Variants in CYP1A1 observed in about 807,000 individuals in gnomAD.
CYP1A1 encodes the protein cytochrome P450 family 1 subfamily A member 1.
Under a neutral mutation model 33.6 loss-of-function variants are expected in CYP1A1, and 43 were observed. The observed-to-expected ratio is 1.28, with a 90% CI of 1.00 to 1.65. The LOEUF is 1.65. CYP1A1 is among the 40% of genes most tolerant of loss of function. The pLI is 0.00. For synonymous variants in CYP1A1, 280 were observed against 257.8 expected (o/e 1.09, Z -0.83); for missense variants, 637 against 653.7 (o/e 0.97, Z 0.28).
Position 74,722,542 on chromosome 15 carries a change from G to T in CYP1A1, c.556C>A (p.Pro186Thr), listed in dbSNP as rs931366695. 6.2e-7 allele frequency: 1 copy of T among 1,613,828 alleles called. No homozygotes were observed. Among genetic ancestry groups the T allele is most frequent in the Non-Finnish European group, 8.5e-7 (1 of 1,179,970 alleles). ...ACTGATACCACCACATACCTGTAGGGGTTAAAGTGCCCAGGCCCTGCCATC... is the reference window on the plus strand; with the variant it reads ...ACTGATACCACCACATACCTGTAGGTGTTAAAGTGCCCAGGCCCTGCCATC... ...ELMAGPGHFN[P>T]YRYVVVSVTN... The change falls in exon 2 of 7, where the codon CCC becomes ACC. Residue 186 changes from proline (P) to threonine (T), a missense_variant. Physicochemically the swap from Pro to Thr is conservative, Grantham distance 38. Transcript: ENST00000379727.
At position 74,720,311 on chromosome 15, in the gene CYP1A1, TC is replaced by T; in HGVS notation, c.*177del. 1.7e-6 allele frequency: 1 copy of T among 586,820 alleles called. No homozygotes were observed. The highest frequency in any genetic ancestry group is 2.8e-6 in the Non-Finnish European group (1 of 360,350). 36.4% of individuals were successfully genotyped at this position (586,820 alleles called of 1,614,324 possible). ...TCTCTGGAGGGTGTGCAGAGGCAAG[TC>T]CAGGGTAGGGGCAGGCAGGATCCCT... On this transcript the variant is annotated 3_prime_UTR_variant, in exon 7 of 7. Coordinates refer to ENST00000379727, the MANE Select transcript of CYP1A1 (RefSeq NM_001319217.2).
Position 74,722,405 on chromosome 15 carries a change from T to C in CYP1A1, c.693A>G (p.Gly231=). 6.2e-7 allele frequency: 1 copy of C among 1,614,036 alleles called. No individual in the cohort carries two copies. The highest frequency in any genetic ancestry group is 1.1e-5 in the South Asian group (1 of 91,070). The change falls in exon 2 of 7, where the codon GGA becomes GGG. Residue 231 remains glycine (G), a synonymous_variant. Transcript: ENST00000379727. ...GAATAGGGATGAAGTCAGCTGGGTT[T>C]CCAGAGCCAACCACCTCCCCGAAAT... The part of the protein sequence containing the change: ...NNNFGEVVGS[G]NPADFIPILR...
rs1318518361 is a variant in CYP1A1 at position 74,720,562 on chromosome 15, T to G, written c.1466A>C (p.Asp489Ala). The G allele has an allele frequency of 1.9e-6, 3 of 1,612,284 alleles. No homozygotes were observed. Among genetic ancestry groups the G allele is most frequent in the African/African-American group, 2.7e-5 (2 of 74,898 alleles). ...GGTTAGCCCATAGATGGGGGTCATG[T>G]CCACCTTCACGCCCAGTGGCACGCT... ...EFSVPLGVKV[D>A]MTPIYGLTMK... The change falls in exon 7 of 7, where the codon GAC becomes GCC. Residue 489 changes from aspartate to alanine, a missense_variant. Coordinates refer to ENST00000379727, the MANE Select transcript of CYP1A1 (RefSeq NM_001319217.2).
At position 74,720,758 on chromosome 15, in the gene CYP1A1, G is replaced by A; in HGVS notation, c.1270C>T (p.Pro424Ser). 2 of 1,612,080 alleles carry A rather than the reference G, an allele frequency of 1.2e-6. No individual in the cohort carries two copies. The highest frequency in any genetic ancestry group is 1.7e-6 in the Non-Finnish European group (2 of 1,178,804). ...AACCGTTCAGGTAGGAACTCAGATG[G>A]GTTGACCCATAGCTTCCTGTAACCA... ...INHDQKLWVN[P>S]SEFLPERFLT... The change falls in exon 7 of 7, where the codon CCA (proline) becomes TCA (serine). Residue 424 changes from proline to serine, a missense_variant. By Grantham distance (74) the Pro-to-Ser change is moderately conservative. Transcript: ENST00000379727.
rs776759251 is a variant in CYP1A1 at position 74,722,712 on chromosome 15, G to A, written c.386C>T (p.Pro129Leu). 6 of 1,613,274 alleles carry A rather than the reference G, an allele frequency of 3.7e-6. No individual in the cohort carries two copies. In the South Asian group the frequency reaches 6.6e-5, roughly 18 times the overall value. Reference protein sequence around the residue: ...QSMSFSPDSGPVWAARRRLAQ... With the variant: ...QSMSFSPDSGLVWAARRRLAQ... ...CAGGCGCCGGCGGGCAGCCCACACT[G>A]GTCCAGAGTCTGGGCTGAAGGACAT... is the stretch of plus-strand genomic sequence containing the variant. Residue 129 changes from proline to leucine, a missense_variant, in exon 2 of 7, where the codon CCA (proline) becomes CTA (leucine). Coordinates refer to ENST00000379727, the MANE Select transcript of CYP1A1 (RefSeq NM_001319217.2).
At chr15:74,724,837 C>T (rs1332620841) in intron 1 of CYP1A1, among the ~76,000 whole-genome samples, 4 of 151,984 alleles carry the variant, frequency 2.6e-5, no homozygotes, top group Admixed American at 6.6e-5. Context: ...ATCTGTCACC[C>T]TGATTGTCTC....
At chr15:74,720,817 A>G in intron 6 of CYP1A1, 43 bp from the exon 7 acceptor site, 1 of 1,584,512 alleles carries the variant, frequency 6.3e-7, no homozygotes, top group Non-Finnish European at 8.6e-7. Flanking sequence ...TTCAGGGCTC[A>G]GAAGTGTCAA....
Position 74,722,924 on chromosome 15 carries a change from G to A in CYP1A1, c.174C>T (p.Asn58=). 1.2e-6 allele frequency: 2 copies of A among 1,614,192 alleles called. No individual in the cohort carries two copies. Among genetic ancestry groups the A allele is most frequent in the Non-Finnish European group, 1.7e-6 (2 of 1,180,038 alleles). ...TCATCCTTGACAGTGCCAGGTGCGG[G>A]TTCTTTCCCAGGGTCAGCATGTGCC... ...LIGHMLTLGK[N]PHLALSRMSQ... is the part of the protein sequence containing the mutation. Residue 58 remains asparagine (N), a synonymous_variant, in exon 2 of 7, where the codon AAC becomes AAT. Transcript: ENST00000379727.
In CYP1A1 at chr15:74,722,792, A is replaced by G. The variant is rs1473990143; in HGVS notation, c.306T>C (p.Asp102=). The change falls in exon 2 of 7, where the codon GAT becomes GAC. Residue 102 remains aspartate, a synonymous_variant. Coordinates refer to ENST00000379727, the MANE Select transcript of CYP1A1 (RefSeq NM_001319217.2). ...TGTAGAGGTCGGGCCGGCCCTTGAA[A>G]TCATCGCCCTGCCGCACCAGGGCCT... ...IRQALVRQGD[D]FKGRPDLYTF... is the part of the protein sequence containing the mutation. 1.2e-6 allele frequency: 2 copies of G among 1,613,538 alleles called. No homozygotes were observed. Among genetic ancestry groups the G allele is most frequent in the Non-Finnish European group, 1.7e-6 (2 of 1,179,890 alleles).
Position 74,721,617 on chromosome 15 carries a change from T to C in CYP1A1, c.926A>G (p.Asn309Ser). ...NVQLSDEKIINIVLDLFGAGF... is the reference protein window; with the variant it reads ...NVQLSDEKIISIVLDLFGAGF... ...AGCTCCAAAGAGGTCCAAGACGATGTTAATGATCTTCTCATCTGACAGCTG... is the reference window on the plus strand; with the variant it reads ...AGCTCCAAAGAGGTCCAAGACGATGCTAATGATCTTCTCATCTGACAGCTG... The change falls in exon 3 of 7, where the codon AAC becomes AGC. Residue 309 changes from asparagine to serine, a missense_variant. Coordinates refer to ENST00000379727, the MANE Select transcript of CYP1A1 (RefSeq NM_001319217.2). The C allele has an allele frequency of 6.2e-7, 1 of 1,614,016 alleles. No individual in the cohort carries two copies. Among genetic ancestry groups the C allele is most frequent in the South Asian group, 1.1e-5 (1 of 91,076 alleles).
intron 5 of CYP1A1, 34 bp from the exon 6 acceptor site, chr15:74,721,087 C>T: frequency 3.1e-6 from 5 of 1,612,410 alleles, no homozygotes; most frequent in Non-Finnish European, 4.2e-6. Context: ...AGGCTCAGGG[C>T]AACAGGCAAA....
In CYP1A1 at chr15:74,720,448, G is replaced by T; in HGVS notation, c.*41C>A. The T allele has an allele frequency of 3.3e-6, 5 of 1,517,910 alleles. No individual in the cohort carries two copies. In the South Asian group the frequency reaches 6.7e-5, roughly 20 times the overall value. The allele number at this position is 1,517,910 out of a possible 1,614,324, so 94.0% of individuals were successfully genotyped here. A position where few individuals can be genotyped will look rare whatever the true frequency, so the allele number is the denominator to read the frequency against. The stretch of plus-strand genomic sequence containing the variant: ...GCCTGCTGGTCTGGCTGCCCAACCA[G>T]ACCAGGTAGACAGAGTCTAGGCCTC... On this transcript the variant is annotated 3_prime_UTR_variant, in exon 7 of 7. Coordinates refer to ENST00000379727, the MANE Select transcript of CYP1A1 (RefSeq NM_001319217.2).
intron 6 of CYP1A1, 89 bp from the exon 7 acceptor site, chr15:74,720,863 G>A: frequency 1.9e-6 from 3 of 1,566,170 alleles, no homozygotes; most frequent in Non-Finnish European, 2.6e-6. Flanking sequence ...ATAGAGGACA[G>A]GCAAGCAGCC....
chr15:74,721,602 A>G lies in CYP1A1; in HGVS notation c.941T>C (p.Leu314Pro), dbSNP rs1282728081. Residue 314 changes from leucine to proline, a missense_variant, in exon 3 of 7, where the codon CTC (leucine) becomes CCC (proline). Leu to Pro is a moderately conservative substitution (Grantham distance 98). Transcript: ENST00000379727. ...TGGGGTAACCATACCAGCTCCAAAGAGGTCCAAGACGATGTTAATGATCTT... is the reference window on the plus strand; with the variant it reads ...TGGGGTAACCATACCAGCTCCAAAGGGGTCCAAGACGATGTTAATGATCTT... ...DEKIINIVLD[L>P]FGAGFDTVTT... 1.9e-6 allele frequency: 3 copies of G among 1,614,198 alleles called. No individual in the cohort carries two copies. In the East Asian group the frequency reaches 6.7e-5, roughly 36 times the overall value.
chr15:74,721,376 C>G, intron 4 of CYP1A1, 38 bp downstream of exon 4: 2 of 1,613,988 alleles, frequency 1.2e-6, no homozygotes, highest in Non-Finnish European at 1.7e-6. Context: ...CTGGCCAGAC[C>G]CCTGGCACTG....
Position 74,720,555 on chromosome 15 carries a change from G to T in CYP1A1, c.1473C>A (p.Thr491=). The change falls in exon 7 of 7, where the codon ACC becomes ACA. Residue 491 remains threonine (T), a synonymous_variant. Coordinates refer to ENST00000379727, the MANE Select transcript of CYP1A1 (RefSeq NM_001319217.2). ...GCTTCATGGTTAGCCCATAGATGGGGGTCATGTCCACCTTCACGCCCAGTG... is the reference window on the plus strand; with the variant it reads ...GCTTCATGGTTAGCCCATAGATGGGTGTCATGTCCACCTTCACGCCCAGTG... The part of the protein sequence containing the change: ...SVPLGVKVDM[T]PIYGLTMKHA... The T allele has an allele frequency of 1.2e-6, 2 of 1,611,196 alleles. No homozygotes were observed. Among genetic ancestry groups the T allele is most frequent in the East Asian group, 2.2e-5 (1 of 44,866 alleles).
rs767189328 is a variant in CYP1A1 at position 74,722,950 on chromosome 15, C to T, written c.148G>A (p.Gly50Arg). Reference sequence around the variant, plus strand: ...TTCTTTCCCAGGGTCAGCATGTGCCCAATCAGAGGCCAGCCCCATGGCCCT... The same window carrying T: ...TTCTTTCCCAGGGTCAGCATGTGCCTAATCAGAGGCCAGCCCCATGGCCCT... ...PPGPWGWPLI[G>R]HMLTLGKNPH... The change falls in exon 2 of 7, where the codon GGG becomes AGG. Residue 50 changes from glycine (G) to arginine (R), a missense_variant. Physicochemically the swap from Gly to Arg is moderately radical, Grantham distance 125. Coordinates refer to ENST00000379727, the MANE Select transcript of CYP1A1 (RefSeq NM_001319217.2). The T allele has an allele frequency of 1.2e-6, 2 of 1,614,182 alleles. No homozygotes were observed. The highest frequency in any genetic ancestry group is 1.7e-6 in the Non-Finnish European group (2 of 1,180,032).
At chr15:74,724,370 G>A (rs901796140) in intron 1 of CYP1A1, among the ~76,000 whole-genome samples, 11 of 152,206 alleles carry the variant, frequency 7.2e-5, no homozygotes, top group Admixed American at 5.9e-4. Flanking sequence ...CTGGACTAGA[G>A]GTCAGTAGAC....
chr15:74,722,051 C>T (rs1938309551), intron 2 of CYP1A1: 1 of 598,952 alleles, frequency 1.7e-6, no homozygotes, highest in Admixed American at 3.0e-5. Context: ...TGTAATGACT[C>T]TTCAGTGGCT....
Sources: gnomAD v4.1 joint callset for allele counts (sites outside exome capture counted in the v4.1 genomes callset) on GRCh38, gnomAD v4.1.1 for gene constraint, MANE v1.5 for transcripts, NCBI Gene and HGNC (gene_info 2026-07-23, HGNC 2026-07-21) for gene names.